The following ZC4H2 variants were observed in gnomAD, a reference collection of about 807,000 sequenced individuals.
The protein encoded by ZC4H2 is zinc finger C4H2 domain-containing protein.
For synonymous variants in ZC4H2, 84 were observed against 66.3 expected (o/e 1.27, Z -1.30); for missense variants, 137 against 173.9 (o/e 0.79, Z 1.19).
At chrX:64,937,422 C>G (rs1930064976) in intron 1 of ZC4H2, among the ~76,000 whole-genome samples, 1 of 111,488 alleles carries the variant, frequency 9.0e-6, no homozygotes, top group Admixed American at 9.6e-5. Context: ...GAACTCAGCT[C>G]TAGACCAAGC....
At chrX:65,017,200 C>T (rs569266581) in intron 1 of ZC4H2, among the ~76,000 whole-genome samples, 21 of 112,019 alleles carry the variant, frequency 1.9e-4, no homozygotes, top group Non-Finnish European at 3.4e-4. Flanking sequence ...TAACCATCCC[C>T]CTTGTGAGGG....
chrX:64,939,100 C>G (rs1021195795), intron 1 of ZC4H2, among the ~76,000 whole-genome samples: 2 of 111,920 alleles, frequency 1.8e-5, no homozygotes, highest in Non-Finnish European at 3.8e-5. Context: ...TCTCAGGATA[C>G]AAAATCAATG....
Position 64,992,163 on chromosome X carries a change from C to T in ZC4H2, c.-272+42466G>A, listed in dbSNP as rs774028257. ...TGTATATTTTTATTGGTGAAATTTA[C>T]GGTGAGTTATATCTTCATAAAAATG... On this transcript the variant is annotated intron_variant, in intron 1 of 4. Coordinates refer to the ZC4H2 transcript ENST00000337990. Among the ~76,000 whole-genome samples, 10 of 111,666 alleles carry T rather than the reference C, an allele frequency of 9.0e-5. No individual in the cohort carries two copies. The South Asian group carries it at 1.9e-3, about 21-fold the overall frequency.
intron 1 of ZC4H2, among the ~76,000 whole-genome samples, chrX:64,965,937 C>T (rs187510746): frequency 0.013 from 150 of 11,162 alleles, 1 homozygote; most frequent in Middle Eastern, 0.083. Flanking sequence ...TATCCTGTTT[C>T]AAACAAAGAA....
chrX:64,996,614 A>C (rs1932418924), intron 1 of ZC4H2, among the ~76,000 whole-genome samples: 1 of 112,265 alleles, frequency 8.9e-6, no homozygotes, highest in Admixed American at 9.5e-5. Context: ...GTATGAACAA[A>C]ATTAAAATAT....
intron 1 of ZC4H2, among the ~76,000 whole-genome samples, chrX:64,933,801 C>T (rs952529737): frequency 4.5e-5 from 5 of 111,108 alleles, no homozygotes. Flanking sequence ...TAATTTTCCC[C>T]CATTTTTATA....
At chrX:64,991,221 T>C (rs1200235713) in intron 1 of ZC4H2, among the ~76,000 whole-genome samples, 1 of 111,691 alleles carries the variant, frequency 9.0e-6, no homozygotes, top group Non-Finnish European at 1.9e-5. Flanking sequence ...CTCTGTGAAA[T>C]GAAGATAAAA....
Position 64,932,117 on chromosome X carries a change from C to CT in ZC4H2, c.54-10130dup, listed in dbSNP as rs199650270. Among the ~76,000 whole-genome samples, 53 of 106,098 alleles carry CT rather than the reference C, an allele frequency of 5.0e-4. No homozygotes were observed. In the East Asian group the frequency reaches 5.9e-3, roughly 12 times the overall value. The allele number at this position is 106,098 out of a possible 115,157, so 92.1% of individuals were successfully genotyped here. A position where few individuals can be genotyped will look rare whatever the true frequency, so the allele number is the denominator to read the frequency against. On this transcript the variant is annotated intron_variant, in intron 1 of 4. Transcript: ENST00000374839. ...ATCATTATACAATGTCCTTGCTTGT[C>CT]TTTTTTTTTTAAACTGTTGTTGCTT...
chrX:65,028,430 G>C (rs1932901990), intron 1 of ZC4H2, among the ~76,000 whole-genome samples: 1 of 112,165 alleles, frequency 8.9e-6, no homozygotes, highest in Admixed American at 9.4e-5. Flanking sequence ...GAAAAGTACA[G>C]AAGTCTTGGC....
At chrX:64,964,765 T>A (rs921713369) in intron 1 of ZC4H2, among the ~76,000 whole-genome samples, 3 of 111,625 alleles carry the variant, frequency 2.7e-5, no homozygotes, top group African/African-American at 9.8e-5. Flanking sequence ...AAAAATATCA[T>A]GATTATTTTC....
chrX:64,970,972 G>C (rs1399375646), intron 1 of ZC4H2, among the ~76,000 whole-genome samples: 1 of 112,083 alleles, frequency 8.9e-6, no homozygotes, highest in Non-Finnish European at 1.9e-5. Flanking sequence ...AATGACGTAA[G>C]TGAGAAATGA....
In ZC4H2 at chrX:64,965,464, CA is replaced by C. The variant is rs756060962; in HGVS notation, c.53+10860del. Reference sequence around the variant, plus strand: ...TCCTTAACCCGTACCTTGCAACATACAAAAAAATTAAGTGAAAATGGATCAT... The same window carrying C: ...TCCTTAACCCGTACCTTGCAACATACAAAAAATTAAGTGAAAATGGATCAT... On this transcript the variant is annotated intron_variant, in intron 1 of 4. Transcript: ENST00000374839. 1.6e-5 allele frequency: 5 copies of C among 319,346 alleles called. No individual in the cohort carries two copies. In the East Asian group the frequency reaches 5.1e-4, roughly 33 times the overall value. The allele number at this position is 319,346 out of a possible 1,213,427, so 26.3% of individuals were successfully genotyped here. A position where few individuals can be genotyped will look rare whatever the true frequency, so the allele number is the denominator to read the frequency against.
intron 1 of ZC4H2, among the ~76,000 whole-genome samples, chrX:64,941,040 T>C (rs1283356999): frequency 8.9e-6 from 1 of 112,060 alleles, no homozygotes; most frequent in Non-Finnish European, 1.9e-5. Flanking sequence ...GCATGGAATG[T>C]TTTTCCATTT....
intron 1 of ZC4H2, among the ~76,000 whole-genome samples, chrX:64,973,698 T>C (rs1388565328): frequency 2.7e-5 from 3 of 111,479 alleles, no homozygotes; most frequent in Admixed American, 9.5e-5. Context: ...TTCCTTAGTA[T>C]TTCTTCATTG....
At chrX:64,965,949 C>CAAAAAAAAAAAAAAAAA in intron 1 of ZC4H2, among the ~76,000 whole-genome samples, 1 of 37,584 alleles carries the variant, frequency 2.7e-5, no homozygotes, top group Non-Finnish European at 4.0e-5. Context: ...AACAAAGAAG[C>CAAAAAAAAAAAAAAAAA]AAAAAAAAAA....
At chrX:64,977,256 A>G (rs2147422938), upstream of ZC4H2, among the ~76,000 whole-genome samples, 1 of 111,442 alleles carries the variant, frequency 9.0e-6, no homozygotes, top group African/African-American at 3.3e-5. Context: ...AATTTGTCAG[A>G]CCATAGAGGA....
At chrX:65,034,378 A>C (rs999107614) in intron 1 of ZC4H2, among the ~76,000 whole-genome samples, 24 of 112,088 alleles carry the variant, frequency 2.1e-4, no homozygotes, top group African/African-American at 7.8e-4. Context: ...ATAGTCAGAG[A>C]AGTTATTTAG....
chrX:64,946,099 C>T (rs754374876), intron 1 of ZC4H2, among the ~76,000 whole-genome samples: 6 of 110,364 alleles, frequency 5.4e-5, no homozygotes, highest in Non-Finnish European at 9.5e-5. Context: ...AGTTCTCTCT[C>T]GCTTGGGTTC....
intron 1 of ZC4H2, among the ~76,000 whole-genome samples, chrX:64,953,048 C>T (rs1312094593): frequency 6.3e-5 from 7 of 111,798 alleles, no homozygotes; most frequent in African/African-American, 9.8e-5. Flanking sequence ...CTTTGAGAAA[C>T]CTGACAAAAA....
Sources: gnomAD v4.1 joint callset for allele counts (sites outside exome capture counted in the v4.1 genomes callset) on GRCh38, gnomAD v4.1.1 for gene constraint, MANE v1.5 for transcripts, NCBI Gene and HGNC (gene_info 2026-07-23, HGNC 2026-07-21) for gene names.